Variants in PCDHGA6 observed in about 807,000 individuals in gnomAD.
PCDHGA6 encodes the protein protocadherin gamma subfamily A, 6, also known as protocadherin gamma-A6.
A neutral mutation model predicts 60.6 loss-of-function variants in PCDHGA6; 41 were observed. The observed-to-expected ratio is 0.68, with a 90% CI of 0.53 to 0.88. The LOEUF is 0.88. Ranked by LOEUF, PCDHGA6 falls within the 40% of genes least tolerant of loss-of-function variation. The pLI is 0.00. For missense variants in PCDHGA6, 1,312 were observed against 1,203.0 expected, an observed-to-expected ratio of 1.09 and a Z score of -1.34; for synonymous variants, 594 against 524.4, an observed-to-expected ratio of 1.13 and a Z score of -1.81.
At chr5:141,428,616 G>A (rs2097151212) in intron 1 of PCDHGA6, 1 of 207,844 alleles carries the variant, frequency 4.8e-6, no homozygotes, top group Admixed American at 5.3e-5. Flanking sequence ...AGAATAACAA[G>A]ATAAGCTCTA....
At chr5:141,400,929 A>G (rs1179035412) in intron 1 of PCDHGA6, among the ~76,000 whole-genome samples, 2 of 152,214 alleles carry the variant, frequency 1.3e-5, no homozygotes, top group Non-Finnish European at 2.9e-5. Flanking sequence ...CTGCTAGTAG[A>G]TGTCTTTCTT....
chr5:141,490,804 T>C lies in PCDHGA6; in HGVS notation c.2425-4003T>C. On this transcript the variant is annotated intron_variant, in intron 1 of 3. Coordinates refer to ENST00000517434, the MANE Select transcript of PCDHGA6 (RefSeq NM_018919.3). This position sits in a 1 kb window ranked among gnomAD's most constrained non-coding sequence, Gnocchi z 5.4. The stretch of plus-strand genomic sequence containing the variant: ...TGGACGGATCTTTGCCCAGCGTACC[T>C]TTGACTATGAATTGCTGCAGATGCT... 2 of 1,613,854 alleles carry C rather than the reference T, an allele frequency of 1.2e-6. No homozygotes were observed. Among genetic ancestry groups the C allele is most frequent in the Non-Finnish European group, 1.7e-6 (2 of 1,179,816 alleles).
intron 1 of PCDHGA6, among the ~76,000 whole-genome samples, chr5:141,483,778 G>T (rs1012545478): frequency 1.6e-4 from 24 of 152,222 alleles, no homozygotes; most frequent in African/African-American, 5.8e-4. Context: ...ATTGGGGAAG[G>T]ATAAGAACTC....
At chr5:141,475,829 G>A (rs1408248560) in intron 1 of PCDHGA6, 5 of 386,748 alleles carry the variant, frequency 1.3e-5, no homozygotes, top group Non-Finnish European at 2.3e-5. Flanking sequence ...GCGCTAGCGC[G>A]TGTCCTGCTC....
intron 1 of PCDHGA6, chr5:141,427,456 G>C (rs1172525843): frequency 2.0e-6 from 1 of 492,524 alleles, no homozygotes; most frequent in African/African-American, 1.9e-5. Flanking sequence ...GTTCCTTTTA[G>C]AATCGAATCT....
At chr5:141,484,054 G>A (rs1192214731) in intron 1 of PCDHGA6, among the ~76,000 whole-genome samples, 4 of 152,044 alleles carry the variant, frequency 2.6e-5, no homozygotes, top group African/African-American at 9.7e-5. Flanking sequence ...AGGTCCCCTG[G>A]GGCTAAGTGA....
At chr5:141,387,135 T>C (rs2090834693) in intron 1 of PCDHGA6, among the ~76,000 whole-genome samples, 1 of 152,208 alleles carries the variant, frequency 6.6e-6, no homozygotes, top group African/African-American at 2.4e-5. Context: ...ACTGAAACTA[T>C]TGGGAAGGGG....
chr5:141,400,352 G>A (rs1214813312), intron 1 of PCDHGA6: 2 of 1,614,044 alleles, frequency 1.2e-6, no homozygotes, highest in Non-Finnish European at 1.7e-6. Flanking sequence ...TACAGTCAGG[G>A]GACTTTGCCT....
At chr5:141,408,524 G>A (rs1589673864) in intron 1 of PCDHGA6, 3 of 1,614,080 alleles carry the variant, frequency 1.9e-6, no homozygotes, top group Non-Finnish European at 1.7e-6. Context: ...GCAATTGGAA[G>A]CTGTGGTGGA....
At chr5:141,415,094 A>G in intron 1 of PCDHGA6, 1 of 1,613,530 alleles carries the variant, frequency 6.2e-7, no homozygotes, top group Non-Finnish European at 8.5e-7. Flanking sequence ...CTGGACAGAG[A>G]CGCGCTCAAG....
In PCDHGA6 at chr5:141,417,986, A is replaced by G. The variant is rs777967345; in HGVS notation, c.2424+41479A>G. On this transcript the variant is annotated intron_variant, in intron 1 of 3. Coordinates refer to ENST00000517434, the MANE Select transcript of PCDHGA6 (RefSeq NM_018919.3). ...CTACTCGATTCCGGAGGAGCTGGCC[A>G]AGGGCTCGGTGGTGGGGAACCTCGC... The G allele has an allele frequency of 9.9e-6, 16 of 1,613,490 alleles. No individual in the cohort carries two copies. Among genetic ancestry groups the G allele is most frequent in the Non-Finnish European group, 1.4e-5 (16 of 1,179,718 alleles).
intron 1 of PCDHGA6, chr5:141,393,188 T>C: frequency 6.2e-7 from 1 of 1,613,358 alleles, no homozygotes; most frequent in South Asian, 1.1e-5. Context: ...AAATAATTGA[T>C]ATTAACGATA....
chr5:141,439,487 G>A lies in PCDHGA6; in HGVS notation c.2425-55320G>A, dbSNP rs11952418. 8.3e-3 allele frequency among the ~76,000 whole-genome samples: 1,269 copies of A among 152,266 alleles called. 16 individuals are homozygous for A. Among genetic ancestry groups the A allele is most frequent in the African/African-American group, 0.029 (1,205 of 41,540 alleles). Reference sequence around the variant, plus strand: ...GCTGCCTTTCAGCTTGCAAATTCCAGTGAGAAACGTCTTTCTCTCTGCTCT... The same window carrying A: ...GCTGCCTTTCAGCTTGCAAATTCCAATGAGAAACGTCTTTCTCTCTGCTCT... On this transcript the variant is annotated intron_variant, in intron 1 of 3. Coordinates refer to ENST00000517434, the MANE Select transcript of PCDHGA6 (RefSeq NM_018919.3).
Position 141,487,650 on chromosome 5 carries a change from G to A in PCDHGA6, c.2425-7157G>A. On this transcript the variant is annotated intron_variant, in intron 1 of 3. Transcript: ENST00000517434. The surrounding 1 kb of genome is among the most constrained non-coding windows in gnomAD (Gnocchi z 5.0). ...TTGCAGGCTCAACAAATGCTTGAGGGTTATTCTGATCCAGGCATATGGCTA... is the reference window on the plus strand; with the variant it reads ...TTGCAGGCTCAACAAATGCTTGAGGATTATTCTGATCCAGGCATATGGCTA... 1 of 1,613,994 alleles carries A rather than the reference G, an allele frequency of 6.2e-7. No individual in the cohort carries two copies. Among genetic ancestry groups the A allele is most frequent in the Non-Finnish European group, 8.5e-7 (1 of 1,179,954 alleles).
intron 1 of PCDHGA6, chr5:141,413,967 G>A: frequency 6.2e-7 from 1 of 1,613,428 alleles, no homozygotes; most frequent in Non-Finnish European, 8.5e-7. Context: ...TGGGCACTCA[G>A]CTGCTGACAG....
At chr5:141,404,707 C>G in intron 1 of PCDHGA6, 1 of 1,614,122 alleles carries the variant, frequency 6.2e-7, no homozygotes, top group Non-Finnish European at 8.5e-7. Context: ...CAGAGCCTGG[C>G]TACCTGGTGA....
intron 1 of PCDHGA6, among the ~76,000 whole-genome samples, chr5:141,438,587 CATACATATAT>C (rs1422309749): frequency 6.8e-5 from 5 of 73,430 alleles, no homozygotes; most frequent in South Asian, 5.1e-4. Context: ...TACATACATA[CATACATATAT>C]ATATATATAT....
At chr5:141,433,767 G>A (rs1237334342) in intron 1 of PCDHGA6, among the ~76,000 whole-genome samples, 1 of 151,532 alleles carries the variant, frequency 6.6e-6, no homozygotes, top group East Asian at 1.9e-4. Flanking sequence ...AACCTGGGAG[G>A]TGGAGGTTGC....
chr5:141,420,304 T>C, intron 1 of PCDHGA6: 1 of 1,462,822 alleles, frequency 6.8e-7, no homozygotes, highest in African/African-American at 1.4e-5. Context: ...TTTAATCCTT[T>C]TTATATTACA....
Sources: gnomAD v4.1 joint callset for allele counts (sites outside exome capture counted in the v4.1 genomes callset) on GRCh38, gnomAD v4.1.1 for gene constraint, Gnocchi (gnomAD v3.1) non-coding constraint, MANE v1.5 for transcripts, NCBI Gene and HGNC (gene_info 2026-07-23, HGNC 2026-07-21) for gene names.